Variants in UGGT2 observed in about 807,000 individuals in gnomAD.
UGGT2 encodes the protein UDP-glucose glycoprotein glucosyltransferase 2.
In UGGT2, 180 loss-of-function variants were observed where a neutral mutation model predicts 192.1. The ratio of observed to expected loss-of-function variants is 0.94; its 90% CI spans 0.83 to 1.06. The LOEUF (loss-of-function observed/expected upper bound fraction) is 1.06. Among genes scored for constraint, UGGT2 ranks in the 50% least tolerant of loss-of-function variants. The pLI, the probability that UGGT2 is intolerant of heterozygous loss-of-function variation, is 0.00. For missense variants in UGGT2, 1,849 were observed against 1,795.7 expected (o/e 1.03, Z -0.54); for synonymous variants, 580 against 591.0 (o/e 0.98, Z 0.27).
intron 37 of UGGT2, among the ~76,000 whole-genome samples, chr13:95,834,872 A>T (rs529475726): frequency 6.6e-6 from 1 of 152,242 alleles, no homozygotes; most frequent in Admixed American, 6.5e-5. Context: ...TTCCCTCCAG[A>T]TTGGTACTAT....
intron 16 of UGGT2, among the ~76,000 whole-genome samples, chr13:95,937,776 G>A (rs1434901742): frequency 6.6e-6 from 1 of 152,206 alleles, no homozygotes; most frequent in Non-Finnish European, 1.5e-5. Flanking sequence ...TTGCCAGAGA[G>A]ATAAAATAGA....
At chr13:95,946,791 A>G (rs1216912704) in intron 15 of UGGT2, among the ~76,000 whole-genome samples, 3 of 152,196 alleles carry the variant, frequency 2.0e-5, no homozygotes, top group African/African-American at 7.2e-5. Flanking sequence ...GGCTGAGTAA[A>G]CCTTAGTAAA....
At chr13:95,826,194 A>G (rs1886027110) in intron 38 of UGGT2, among the ~76,000 whole-genome samples, 1 of 152,136 alleles carries the variant, frequency 6.6e-6, no homozygotes, top group Non-Finnish European at 1.5e-5. Flanking sequence ...AAATATTAAA[A>G]TAGGAATCAA....
intron 20 of UGGT2, among the ~76,000 whole-genome samples, chr13:95,910,299 T>C (rs1378492928): frequency 6.6e-6 from 1 of 152,040 alleles, no homozygotes; most frequent in East Asian, 1.9e-4. Context: ...AGACTGGAAA[T>C]TGGATAAAGA....
chr13:95,910,577 A>G (rs940577721), intron 20 of UGGT2, among the ~76,000 whole-genome samples: 2 of 152,230 alleles, frequency 1.3e-5, no homozygotes, highest in African/African-American at 4.8e-5. Flanking sequence ...AGGAGCACCC[A>G]GATTCATAAA....
chr13:95,910,248 C>A (rs1453125445), intron 20 of UGGT2, among the ~76,000 whole-genome samples: 2 of 152,078 alleles, frequency 1.3e-5, no homozygotes, highest in African/African-American at 4.8e-5. Context: ...ACAATATTAA[C>A]CTGAAATTTA....
chr13:95,838,553 G>C (rs2139926128), intron 36 of UGGT2, among the ~76,000 whole-genome samples: 1 of 152,208 alleles, frequency 6.6e-6, no homozygotes, highest in African/African-American at 2.4e-5. Flanking sequence ...TTACTATAAA[G>C]TTACAGTAAT....
At chr13:95,845,597 T>G (rs1350595776) in intron 36 of UGGT2, among the ~76,000 whole-genome samples, 1 of 151,444 alleles carries the variant, frequency 6.6e-6, no homozygotes, top group Admixed American at 6.6e-5. Context: ...AACAATCTGA[T>G]CTCTCTTTCT....
chr13:95,834,019 A>G (rs1200767220), intron 37 of UGGT2, among the ~76,000 whole-genome samples: 3 of 152,098 alleles, frequency 2.0e-5, no homozygotes, highest in African/African-American at 4.8e-5. Context: ...TTTTCAGTTG[A>G]TTCATTATGG....
At position 95,972,673 on chromosome 13, in the gene UGGT2, T is replaced by G; in HGVS notation, c.1093-2A>C. 11 of 1,611,976 alleles carry G rather than the reference T, an allele frequency of 6.8e-6. No individual in the cohort carries two copies. Among genetic ancestry groups the G allele is most frequent in the Non-Finnish European group, 9.3e-6 (11 of 1,178,304 alleles). On this transcript the variant is annotated splice_acceptor_variant, in intron 10 of 38. Coordinates refer to ENST00000376747, the MANE Select transcript of UGGT2 (RefSeq NM_020121.4). LOFTEE classifies it high-confidence loss of function. ...AATTTTAAATCTAACTTGAAGATCC[T>G]TGAAGTAGAGCAAAGCAATAGTTAA... is the stretch of plus-strand genomic sequence containing the variant.
chr13:95,985,968 CTACT>C (rs2051277631), intron 9 of UGGT2, among the ~76,000 whole-genome samples: 1 of 152,100 alleles, frequency 6.6e-6, no homozygotes. Context: ...CATAGACCTC[CTACT>C]TAGAGTAATA....
At chr13:95,963,254 A>C (rs190059370) in intron 12 of UGGT2, among the ~76,000 whole-genome samples, 5 of 152,310 alleles carry the variant, frequency 3.3e-5, no homozygotes, top group Non-Finnish European at 5.9e-5. Flanking sequence ...TTCAACATAC[A>C]CAAATCAATA....
At chr13:96,036,034 G>A (rs999240464) in intron 1 of UGGT2, among the ~76,000 whole-genome samples, 1 of 152,148 alleles carries the variant, frequency 6.6e-6, no homozygotes, top group African/African-American at 2.4e-5. Flanking sequence ...AATACCATTT[G>A]ACCCAGCAAT....
intron 36 of UGGT2, among the ~76,000 whole-genome samples, chr13:95,850,527 G>T (rs1357564870): frequency 2.0e-5 from 3 of 152,150 alleles, no homozygotes; most frequent in African/African-American, 7.2e-5. Context: ...CTTGATCATA[G>T]GCTACTCCAA....
intron 12 of UGGT2, among the ~76,000 whole-genome samples, chr13:95,955,981 G>C (rs2050201002): frequency 6.6e-6 from 1 of 152,126 alleles, no homozygotes; most frequent in Non-Finnish European, 1.5e-5. Flanking sequence ...CAAATAAAAT[G>C]AGATAATTCA....
At chr13:95,820,121 C>A (rs1315765277) in intron 38 of UGGT2, among the ~76,000 whole-genome samples, 2 of 151,672 alleles carry the variant, frequency 1.3e-5, no homozygotes, top group Non-Finnish European at 2.9e-5. Context: ...CCACTGTATT[C>A]CAGCCTGTGT....
At chr13:96,037,266 T>C (rs1014962486) in intron 1 of UGGT2, among the ~76,000 whole-genome samples, 3 of 152,236 alleles carry the variant, frequency 2.0e-5, no homozygotes, top group African/African-American at 7.2e-5. Context: ...TGGTGCGATC[T>C]TGACTCACTG....
At position 95,982,017 on chromosome 13, in the gene UGGT2, A is replaced by G. The variant is rs188448277; in HGVS notation, c.1092+1787T>C. ...GAAGACTATCTGCAGTGTCATGATT[A>G]TTTAGTTTACTAAATTCAAGATTTC... On this transcript the variant is annotated intron_variant, in intron 10 of 38. Coordinates refer to ENST00000376747, the MANE Select transcript of UGGT2 (RefSeq NM_020121.4). 7.2e-5 allele frequency among the ~76,000 whole-genome samples: 11 copies of G among 152,302 alleles called. No individual in the cohort carries two copies. The East Asian group carries it at 1.9e-3, about 27-fold the overall frequency.
chr13:95,812,062 C>T (rs1195179748), intron 38 of UGGT2, among the ~76,000 whole-genome samples: 3 of 152,078 alleles, frequency 2.0e-5, no homozygotes, highest in Non-Finnish European at 4.4e-5. Flanking sequence ...CAAACTTTTA[C>T]TGTAAAAAGA....
Sources: gnomAD v4.1 joint callset for allele counts (sites outside exome capture counted in the v4.1 genomes callset) on GRCh38, gnomAD v4.1.1 for gene constraint, MANE v1.5 for transcripts, NCBI Gene and HGNC (gene_info 2026-07-23, HGNC 2026-07-21) for gene names.